CTNNA3: variants seen among roughly 807,000 people sequenced by gnomAD.
CTNNA3 encodes the protein catenin alpha-3.
In CTNNA3, 76 loss-of-function variants were observed where a neutral mutation model predicts 95.7. That is an observed-to-expected ratio of 0.79 (90% CI 0.66 to 0.96). The LOEUF is 0.96. Ranked by LOEUF, CTNNA3 falls within the 40% of genes least tolerant of loss-of-function variation. The pLI is 0.00. For synonymous variants in CTNNA3, 431 were observed against 374.4 expected, an observed-to-expected ratio of 1.15 and a Z score of -1.74; for missense variants, 1,191 against 1,089.8, an observed-to-expected ratio of 1.09 and a Z score of -1.31.
chr10:66,680,424 CAAAG>C (rs779457220), intron 9 of CTNNA3, among the ~76,000 whole-genome samples: 1 of 151,976 alleles, frequency 6.6e-6, no homozygotes, highest in Non-Finnish European at 1.5e-5. Flanking sequence ...AGTATAATAA[CAAAG>C]AAGAGTAGAG....
At chr10:67,685,422 C>T (rs910208771) in intron 1 of CTNNA3, among the ~76,000 whole-genome samples, 1 of 152,212 alleles carries the variant, frequency 6.6e-6, no homozygotes, top group Non-Finnish European at 1.5e-5. Context: ...TTACTGAACA[C>T]CCATTGTCTT....
At chr10:67,287,194 C>T (rs1303862677) in intron 5 of CTNNA3, among the ~76,000 whole-genome samples, 7 of 151,884 alleles carry the variant, frequency 4.6e-5, no homozygotes, top group Non-Finnish European at 1.0e-4. Flanking sequence ...AAAAATTAGC[C>T]GGGCATGGTG....
chr10:66,316,792 A>G (rs1324396575), intron 12 of CTNNA3, among the ~76,000 whole-genome samples: 1 of 152,120 alleles, frequency 6.6e-6, no homozygotes, highest in East Asian at 1.9e-4. Context: ...AACTTCTAAT[A>G]CTTATTTAAA....
intron 5 of CTNNA3, among the ~76,000 whole-genome samples, chr10:67,347,847 A>C (rs1047734340): frequency 2.0e-5 from 3 of 150,398 alleles, no homozygotes; most frequent in Non-Finnish European, 3.0e-5. Context: ...AAAAAAAAAA[A>C]ACACAAAAAC....
chr10:67,584,805 T>G (rs1219094990), intron 3 of CTNNA3, among the ~76,000 whole-genome samples: 1 of 152,194 alleles, frequency 6.6e-6, no homozygotes, highest in Non-Finnish European at 1.5e-5. Context: ...CACCTTGCAG[T>G]TCCATCTCAA....
At chr10:66,185,451 A>C (rs1418970086) in intron 13 of CTNNA3, among the ~76,000 whole-genome samples, 1 of 152,126 alleles carries the variant, frequency 6.6e-6, no homozygotes, top group African/African-American at 2.4e-5. Flanking sequence ...TTATAAATGA[A>C]TTCATGAAAA....
At chr10:66,126,740 T>A (rs901907051) in intron 13 of CTNNA3, among the ~76,000 whole-genome samples, 24 of 152,130 alleles carry the variant, frequency 1.6e-4, no homozygotes, top group African/African-American at 5.1e-4. Context: ...CAAAGCAATA[T>A]GGAATTCTAA....
intron 14 of CTNNA3, among the ~76,000 whole-genome samples, chr10:66,088,485 TTGTGTGTGTGTGTG>T (rs3074377): frequency 1.2e-3 from 163 of 139,652 alleles, no homozygotes; most frequent in African/African-American, 3.3e-3. Context: ...GGTAGGTGTT[TTGTGTGTGTGTGTG>T]TGTGTGTGTG....
At chr10:66,677,660 T>C (rs1229333959) in intron 9 of CTNNA3, among the ~76,000 whole-genome samples, 1 of 152,124 alleles carries the variant, frequency 6.6e-6, no homozygotes, top group African/African-American at 2.4e-5. Flanking sequence ...CAAGCTCTCT[T>C]ACCTGCTGCC....
intron 12 of CTNNA3, among the ~76,000 whole-genome samples, chr10:66,352,339 G>T (rs1011918550): frequency 1.3e-5 from 2 of 152,032 alleles, no homozygotes; most frequent in African/African-American, 4.8e-5. Context: ...GAACTATTGT[G>T]ATCAAAACAT....
At chr10:67,020,521 A>G (rs1328548972) in intron 7 of CTNNA3, among the ~76,000 whole-genome samples, 1 of 152,188 alleles carries the variant, frequency 6.6e-6, no homozygotes, top group Non-Finnish European at 1.5e-5. Context: ...GTTTCACAAT[A>G]GTCTTAAGTT....
intron 15 of CTNNA3, among the ~76,000 whole-genome samples, chr10:66,062,241 A>G (rs1162353150): frequency 6.6e-6 from 1 of 152,190 alleles, no homozygotes; most frequent in East Asian, 1.9e-4. Flanking sequence ...ATTTGAATAA[A>G]ATGAGAAAAC....
intron 5 of CTNNA3, among the ~76,000 whole-genome samples, chr10:67,445,541 T>A (rs2132945911): frequency 6.6e-6 from 1 of 152,238 alleles, no homozygotes; most frequent in South Asian, 2.1e-4. Flanking sequence ...TTAATCCATT[T>A]AAGAAGGCAG....
chr10:66,571,414 A>T (rs1000505273), intron 10 of CTNNA3, among the ~76,000 whole-genome samples: 2 of 152,166 alleles, frequency 1.3e-5, no homozygotes, highest in South Asian at 4.1e-4. Flanking sequence ...CTACATAATA[A>T]TCCTGTGAGG....
intron 3 of CTNNA3, among the ~76,000 whole-genome samples, chr10:67,583,295 T>C (rs1253343337): frequency 6.6e-5 from 10 of 152,166 alleles, no homozygotes; most frequent in Non-Finnish European, 1.5e-4. Flanking sequence ...CTGTAAAATA[T>C]TTTATTTCTC....
At chr10:67,438,304 TGA>T (rs1035039770) in intron 5 of CTNNA3, among the ~76,000 whole-genome samples, 26 of 152,300 alleles carry the variant, frequency 1.7e-4, no homozygotes, top group African/African-American at 6.3e-4. Context: ...TAGAAATTTT[TGA>T]GAGTTTCATT....
intron 7 of CTNNA3, among the ~76,000 whole-genome samples, chr10:67,131,940 A>C (rs1350007580): frequency 6.6e-6 from 1 of 152,136 alleles, no homozygotes; most frequent in African/African-American, 2.4e-5. Flanking sequence ...AAGGAGTATC[A>C]TACTCATATT....
chr10:66,019,848 G>A (rs1349366950), intron 15 of CTNNA3, among the ~76,000 whole-genome samples: 1 of 152,076 alleles, frequency 6.6e-6, no homozygotes, highest in Non-Finnish European at 1.5e-5. Flanking sequence ...ACTTAGAAAT[G>A]GAAATATTTA....
At chr10:66,885,004 A>T (rs1449884341) in intron 7 of CTNNA3, among the ~76,000 whole-genome samples, 1 of 152,158 alleles carries the variant, frequency 6.6e-6, no homozygotes, top group African/African-American at 2.4e-5. Context: ...GTTATTACAT[A>T]GCTTGACAGC....
Sources: allele counts gnomAD v4.1 joint callset (sites outside exome capture counted in the v4.1 genomes callset), GRCh38; gene constraint gnomAD v4.1.1; transcripts MANE v1.5; gene names NCBI Gene and HGNC (gene_info 2026-07-23, HGNC 2026-07-21).